The following RFX3 variants were observed in gnomAD, a reference collection of about 807,000 sequenced individuals.
RFX3 encodes the protein transcription factor RFX3.
In RFX3, 14 loss-of-function variants were observed where a neutral mutation model predicts 98.6. The ratio of observed to expected loss-of-function variants is 0.14; its 90% CI spans 0.09 to 0.22. The LOEUF (loss-of-function observed/expected upper bound fraction) is 0.22, where lower values mean the gene tolerates loss of function less well. Among genes scored for constraint, RFX3 ranks in the 10% least tolerant of loss-of-function variants. The pLI is 1.00. For missense variants in RFX3, 639 were observed against 926.9 expected (o/e 0.69, Z 4.03); for synonymous variants, 383 against 328.4 (o/e 1.17, Z -1.80).
chr9:3,395,562 G>A lies in RFX3; in HGVS notation c.27C>T (p.Asp9=), dbSNP rs1840771989. The A allele has an allele frequency of 6.2e-7, 1 of 1,614,094 alleles. No individual in the cohort carries two copies. The highest frequency in any genetic ancestry group is 1.1e-5 in the South Asian group (1 of 91,080). The change falls in exon 2 of 17, where the codon GAC becomes GAT. Residue 9 remains aspartate, a synonymous_variant. Coordinates refer to ENST00000617270, the MANE Select transcript of RFX3 (RefSeq NM_001282116.2). MQTSETGS[D]TGSTVTLQTS... is the part of the protein sequence containing the mutation. ...TTTGTAAGGTCACTGTCGAGCCTGT[G>A]TCCGACCCAGTCTCTGATGTCTGCA...
At chr9:3,361,976 T>A (rs1563986281) in intron 2 of RFX3, among the ~76,000 whole-genome samples, 1 of 151,990 alleles carries the variant, frequency 6.6e-6, no homozygotes. Context: ...ATAAAATAAG[T>A]CACAGGCTAT....
At chr9:3,438,962 A>G (rs775841268) in intron 1 of RFX3, among the ~76,000 whole-genome samples, 2 of 152,002 alleles carry the variant, frequency 1.3e-5, no homozygotes, top group African/African-American at 2.4e-5. Context: ...GATTCAAGCT[A>G]TAACAGTATG....
chr9:3,303,993 G>A (rs190740948), intron 4 of RFX3, among the ~76,000 whole-genome samples: 4 of 152,088 alleles, frequency 2.6e-5, no homozygotes, highest in Non-Finnish European at 4.4e-5. Flanking sequence ...CCCGGGGAAT[G>A]GAAAGGAAGA....
chr9:3,462,948 G>A (rs145905625), intron 1 of RFX3, among the ~76,000 whole-genome samples: 357 of 152,176 alleles, frequency 2.3e-3, no homozygotes, highest in African/African-American at 8.3e-3. Context: ...TATCATGTTC[G>A]TGGATCATAA....
intron 1 of RFX3, among the ~76,000 whole-genome samples, chr9:3,446,460 A>T (rs1846059575): frequency 6.6e-6 from 1 of 151,982 alleles, no homozygotes; most frequent in African/African-American, 2.4e-5. Context: ...TCTGTGAACT[A>T]CTCTGATGAC....
At chr9:3,238,066 G>C (rs1819412384) in intron 15 of RFX3, among the ~76,000 whole-genome samples, 1 of 152,156 alleles carries the variant, frequency 6.6e-6, no homozygotes, top group African/African-American at 2.4e-5. Flanking sequence ...CACAACGTGA[G>C]GACTGAATTT....
intron 1 of RFX3, among the ~76,000 whole-genome samples, chr9:3,520,012 T>C (rs547169796): frequency 3.3e-5 from 5 of 152,206 alleles, no homozygotes; most frequent in African/African-American, 1.2e-4. Context: ...CAGGAGGCTG[T>C]GGCAGGAGGA....
At chr9:3,475,566 G>A (rs938693029) in intron 1 of RFX3, among the ~76,000 whole-genome samples, 45 of 152,246 alleles carry the variant, frequency 3.0e-4, no homozygotes, top group African/African-American at 1.1e-3. Context: ...TCTGCATATC[G>A]CATATACAGC....
chr9:3,471,957 C>T (rs1848815098), intron 1 of RFX3, among the ~76,000 whole-genome samples: 1 of 152,198 alleles, frequency 6.6e-6, no homozygotes, highest in African/African-American at 2.4e-5. Context: ...CATAGGTTTT[C>T]TACTCGTGGC....
intron 3 of RFX3, among the ~76,000 whole-genome samples, chr9:3,334,581 A>G (rs1462497430): frequency 1.3e-5 from 2 of 152,200 alleles, no homozygotes; most frequent in African/African-American, 4.8e-5. Flanking sequence ...TAAAGTCACT[A>G]AAGAGTGTGC....
At chr9:3,258,804 C>CAT (rs915028453) in intron 13 of RFX3, among the ~76,000 whole-genome samples, 130 of 151,450 alleles carry the variant, frequency 8.6e-4, no homozygotes, top group African/African-American at 2.8e-3. Context: ...CATATATCAT[C>CAT]ATATATATAC....
chr9:3,372,828 C>T (rs760089111), intron 2 of RFX3, among the ~76,000 whole-genome samples: 59 of 152,088 alleles, frequency 3.9e-4, no homozygotes, highest in Admixed American at 7.2e-4. Context: ...TCAAGTGATC[C>T]GCCCAACTTG....
intron 2 of RFX3, among the ~76,000 whole-genome samples, chr9:3,360,820 G>A (rs966864346): frequency 1.3e-4 from 19 of 151,958 alleles, no homozygotes; most frequent in Admixed American, 4.6e-4. Flanking sequence ...ATGTTATTTC[G>A]GATGTGCTTC....
chr9:3,234,358 G>A (rs1301634721), intron 15 of RFX3, among the ~76,000 whole-genome samples: 1 of 152,126 alleles, frequency 6.6e-6, no homozygotes, highest in African/African-American at 2.4e-5. Context: ...CAAAAACAAG[G>A]CTGGGCACAG....
intron 1 of RFX3, among the ~76,000 whole-genome samples, chr9:3,497,519 G>C (rs1278892309): frequency 6.6e-6 from 1 of 151,898 alleles, no homozygotes; most frequent in South Asian, 2.1e-4. Context: ...GCAGGAAAAA[G>C]ATTTTTTGGT....
At chr9:3,306,886 G>A (rs1829388414) in intron 4 of RFX3, among the ~76,000 whole-genome samples, 1 of 152,056 alleles carries the variant, frequency 6.6e-6, no homozygotes, top group Non-Finnish European at 1.5e-5. Flanking sequence ...TTGGTAATAT[G>A]GTTTGGGTCT....
At chr9:3,370,656 C>T (rs1837737679) in intron 2 of RFX3, among the ~76,000 whole-genome samples, 1 of 152,020 alleles carries the variant, frequency 6.6e-6, no homozygotes, top group Admixed American at 6.5e-5. Flanking sequence ...ACATAATAAA[C>T]TGCATAAATT....
chr9:3,226,668 A>G (rs1817810989), intron 16 of RFX3, among the ~76,000 whole-genome samples: 1 of 152,222 alleles, frequency 6.6e-6, no homozygotes, highest in South Asian at 2.1e-4. Flanking sequence ...GTGTGTCAGA[A>G]CAAGTACATT....
At chr9:3,293,372 T>G (rs1407301785) in intron 5 of RFX3, 114 bp from the exon 6 acceptor site, 1 of 732,014 alleles carries the variant, frequency 1.4e-6, no homozygotes, top group Non-Finnish European at 2.2e-6. Context: ...TCAAGTCTTA[T>G]GATAGAGTAA....
Sources: gnomAD v4.1 joint callset for allele counts (sites outside exome capture counted in the v4.1 genomes callset) on GRCh38, gnomAD v4.1.1 for gene constraint, MANE v1.5 for transcripts, NCBI Gene and HGNC (gene_info 2026-07-23, HGNC 2026-07-21) for gene names.